Variants in PTPRT observed in about 807,000 individuals in gnomAD.
PTPRT encodes protein tyrosine phosphatase receptor type T.
In PTPRT, 56 loss-of-function variants were observed where a neutral mutation model predicts 176.8. The observed-to-expected ratio is 0.32, with a 90% CI of 0.26 to 0.40. The LOEUF (loss-of-function observed/expected upper bound fraction) is 0.40. Ranked by LOEUF, PTPRT falls within the 10% of genes least tolerant of loss-of-function variation. The probability of loss-of-function intolerance (pLI) is 1.00; values close to 1 mark genes in which losing one functional copy is unlikely to be tolerated. For synonymous variants in PTPRT, 783 were observed against 739.0 expected (o/e 1.06, Z -0.96); for missense variants, 1,540 against 1,908.2 (o/e 0.81, Z 3.60).
chr20:42,224,198 G>A (rs953137874), intron 15 of PTPRT, among the ~76,000 whole-genome samples: 3 of 152,132 alleles, frequency 2.0e-5, no homozygotes, highest in Admixed American at 1.3e-4. Context: ...AGGGATAGAG[G>A]CTTCTGAACA....
intron 8 of PTPRT, among the ~76,000 whole-genome samples, chr20:42,451,338 C>T (rs1055809665): frequency 6.6e-6 from 1 of 151,972 alleles, no homozygotes; most frequent in African/African-American, 2.4e-5. Context: ...TAAAGGATGA[C>T]CAATTTTGGA....
intron 5 of PTPRT, among the ~76,000 whole-genome samples, chr20:42,767,695 T>C (rs2077001727): frequency 6.8e-6 from 1 of 146,770 alleles, no homozygotes; most frequent in Admixed American, 6.8e-5. Context: ...ATATATTTAA[T>C]AAATTTTTAT....
At chr20:42,344,063 C>A (rs140603770) in intron 11 of PTPRT, among the ~76,000 whole-genome samples, 3 of 152,176 alleles carry the variant, frequency 2.0e-5, no homozygotes, top group African/African-American at 7.2e-5. Flanking sequence ...CCACACCCAA[C>A]GCATTTTTGT....
At chr20:42,528,866 G>T (rs1173334573) in intron 7 of PTPRT, among the ~76,000 whole-genome samples, 4 of 152,032 alleles carry the variant, frequency 2.6e-5, no homozygotes, top group African/African-American at 9.7e-5. Context: ...GATTTTTCCG[G>T]GATAGTTTCA....
intron 2 of PTPRT, among the ~76,000 whole-genome samples, chr20:42,828,668 G>A (rs2078037457): frequency 6.6e-6 from 1 of 152,196 alleles, no homozygotes; most frequent in South Asian, 2.1e-4. Context: ...GCTAAAATGG[G>A]CCAAGGTACA....
intron 1 of PTPRT, among the ~76,000 whole-genome samples, chr20:42,925,067 C>T (rs936589018): frequency 6.6e-6 from 1 of 152,218 alleles, no homozygotes; most frequent in Non-Finnish European, 1.5e-5. Flanking sequence ...CTTAAAGCCA[C>T]AAATGATGAG....
At chr20:42,585,356 T>C (rs1483966231) in intron 7 of PTPRT, among the ~76,000 whole-genome samples, 1 of 152,256 alleles carries the variant, frequency 6.6e-6, no homozygotes, top group African/African-American at 2.4e-5. Context: ...TCTTTTTTCT[T>C]ACTGACTTGA....
intron 11 of PTPRT, among the ~76,000 whole-genome samples, chr20:42,343,775 A>G (rs1819978519): frequency 6.6e-6 from 1 of 152,148 alleles, no homozygotes; most frequent in African/African-American, 2.4e-5. Flanking sequence ...ATCTCACATG[A>G]GTGCTGGAGG....
At chr20:42,307,523 C>A (rs889625089) in intron 12 of PTPRT, among the ~76,000 whole-genome samples, 1 of 152,112 alleles carries the variant, frequency 6.6e-6, no homozygotes, top group Non-Finnish European at 1.5e-5. Flanking sequence ...GATCTTAACT[C>A]GAACCCTCTA....
At chr20:42,251,285 T>C (rs1290107965) in intron 13 of PTPRT, among the ~76,000 whole-genome samples, 1 of 152,196 alleles carries the variant, frequency 6.6e-6, no homozygotes, top group Non-Finnish European at 1.5e-5. Context: ...GAGAGGATCC[T>C]ATTACTCTAG....
chr20:42,264,246 T>C (rs2056802099), intron 13 of PTPRT, among the ~76,000 whole-genome samples: 1 of 152,094 alleles, frequency 6.6e-6, no homozygotes, highest in African/African-American at 2.4e-5. Flanking sequence ...TTAACAATCA[T>C]CTCCCACAGA....
chr20:43,180,143 T>A (rs1036528007), intron 1 of PTPRT, among the ~76,000 whole-genome samples: 1 of 152,108 alleles, frequency 6.6e-6, no homozygotes, highest in Non-Finnish European at 1.5e-5. Context: ...AGCTGGGACA[T>A]CCATCCTCTC....
chr20:42,119,012 G>GA (rs1987439836), intron 20 of PTPRT, among the ~76,000 whole-genome samples: 1 of 29,172 alleles, frequency 3.4e-5, no homozygotes, highest in African/African-American at 7.8e-5. Flanking sequence ...CAGAAAGGAA[G>GA]GAAAAAAAAA....
At chr20:42,634,023 A>AT (rs2074514187) in intron 7 of PTPRT, among the ~76,000 whole-genome samples, 1 of 27,868 alleles carries the variant, frequency 3.6e-5, no homozygotes, top group African/African-American at 2.0e-4. Context: ...TATATATATA[A>AT]TATATATATT....
downstream of PTPRT, among the ~76,000 whole-genome samples, chr20:42,069,481 T>TGGG (rs963865487): frequency 2.0e-5 from 3 of 152,220 alleles, no homozygotes; most frequent in African/African-American, 7.2e-5. Context: ...TGGCAGGTCT[T>TGGG]GGGGTATGAC....
intron 2 of PTPRT, among the ~76,000 whole-genome samples, chr20:42,843,919 G>A (rs1469987587): frequency 6.6e-6 from 1 of 152,220 alleles, no homozygotes; most frequent in East Asian, 1.9e-4. Context: ...ATGCGAGTGT[G>A]TTGCATGGAA....
chr20:42,408,879 G>A (rs6016782), intron 9 of PTPRT, among the ~76,000 whole-genome samples: 3,282 of 152,260 alleles, frequency 0.022, 136 homozygotes, highest in African/African-American at 0.073. Flanking sequence ...GGGTTGCTCT[G>A]CGCTTGCAAG....
At chr20:42,259,968 C>T (rs1041546143) in intron 13 of PTPRT, among the ~76,000 whole-genome samples, 2 of 152,220 alleles carry the variant, frequency 1.3e-5, no homozygotes, top group Non-Finnish European at 2.9e-5. Context: ...ATTGCCTAAC[C>T]TGAGTGGTGC....
At chr20:43,119,505 T>C (rs1255880552) in intron 1 of PTPRT, among the ~76,000 whole-genome samples, 1 of 152,226 alleles carries the variant, frequency 6.6e-6, no homozygotes, top group East Asian at 1.9e-4. Context: ...AAGAATCCTA[T>C]GCATAATCCT....
Sources: allele counts gnomAD v4.1 joint callset (sites outside exome capture counted in the v4.1 genomes callset), GRCh38; gene constraint gnomAD v4.1.1; transcripts MANE v1.5; gene names NCBI Gene and HGNC (gene_info 2026-07-23, HGNC 2026-07-21).